Variants in PTPRM observed in about 807,000 individuals in gnomAD.
PTPRM encodes the protein receptor-type tyrosine-protein phosphatase mu.
In PTPRM, 47 loss-of-function variants were observed where a neutral mutation model predicts 186.7. The ratio of observed to expected loss-of-function variants is 0.25; its 90% CI spans 0.20 to 0.32. PTPRM has a LOEUF of 0.32. PTPRM is among the 10% of genes least tolerant of loss of function. The probability of loss-of-function intolerance (pLI) is 1.00; values close to 1 mark genes in which losing one functional copy is unlikely to be tolerated. For synonymous variants in PTPRM, 668 were observed against 674.9 expected, an observed-to-expected ratio of 0.99 and a Z score of 0.16; for missense variants, 1,494 against 1,865.0, an observed-to-expected ratio of 0.80 and a Z score of 3.66.
intron 19 of PTPRM, among the ~76,000 whole-genome samples, chr18:8,290,211 T>G (rs1295121751): frequency 2.0e-5 from 3 of 152,226 alleles, no homozygotes; most frequent in Non-Finnish European, 4.4e-5. Flanking sequence ...TCATCTTCCT[T>G]CTTTCAGGGT....
Position 8,126,027 on chromosome 18 carries a change from A to ATATATATTTTTTT in PTPRM, c.2167+11201_2167+11202insATATATTTTTTTT, listed in dbSNP as rs57751538. On this transcript the variant is annotated intron_variant, in intron 13 of 32. Transcript: ENST00000580170. ...TATATATATATATATATATATATAT[A>ATATATATTTTTTT]TTTTAAATCAGTAGACCTTTCCATT... Among the ~76,000 whole-genome samples the ATATATATTTTTTT allele has an allele frequency of 1.7e-3, 119 of 69,424 alleles. 1 individual carries two copies. Among genetic ancestry groups the ATATATATTTTTTT allele is most frequent in the Non-Finnish European group, 2.4e-3 (85 of 35,236 alleles). The allele number at this position is 69,424 out of a possible 152,430, so 45.5% of individuals were successfully genotyped here.
chr18:7,742,714 G>A (rs1211449844), intron 1 of PTPRM, among the ~76,000 whole-genome samples: 1 of 152,032 alleles, frequency 6.6e-6, no homozygotes, highest in Non-Finnish European at 1.5e-5. Context: ...AACTCCTTTG[G>A]TTTGAAGGAG....
chr18:7,877,999 A>C (rs2048328190), intron 2 of PTPRM, among the ~76,000 whole-genome samples: 1 of 152,106 alleles, frequency 6.6e-6, no homozygotes, highest in Non-Finnish European at 1.5e-5. Context: ...TTCTTTCCTG[A>C]ACCCTTGCAG....
At chr18:7,967,393 GA>G (rs1368749303) in intron 7 of PTPRM, among the ~76,000 whole-genome samples, 18 of 10,368 alleles carry the variant, frequency 1.7e-3, no homozygotes, top group African/African-American at 6.4e-3. Context: ...CTAAAACGCA[GA>G]GCGCCTCTCC....
chr18:8,370,545 C>G (rs1291701237), intron 23 of PTPRM, among the ~76,000 whole-genome samples: 1 of 152,164 alleles, frequency 6.6e-6, no homozygotes, highest in Non-Finnish European at 1.5e-5. Flanking sequence ...AAAAGAAGAG[C>G]TAAAATATTG....
chr18:7,878,262 A>C (rs2048338644), intron 2 of PTPRM, among the ~76,000 whole-genome samples: 1 of 152,236 alleles, frequency 6.6e-6, no homozygotes, highest in Admixed American at 6.5e-5. Context: ...AGATTACTTA[A>C]ATTCCAGACT....
chr18:8,080,154 C>T (rs2090049107), intron 9 of PTPRM, among the ~76,000 whole-genome samples: 1 of 110,314 alleles, frequency 9.1e-6, no homozygotes, highest in Non-Finnish European at 2.0e-5. Flanking sequence ...TGGGAACACA[C>T]ATTTTGCAGT....
intron 22 of PTPRM, among the ~76,000 whole-genome samples, chr18:8,336,834 G>A: frequency 6.6e-6 from 1 of 151,930 alleles, no homozygotes; most frequent in South Asian, 2.1e-4. Context: ...AAAATTAGCT[G>A]GGTGTGGTGG....
chr18:7,886,513 G>A (rs994938051), intron 2 of PTPRM, among the ~76,000 whole-genome samples: 6 of 152,104 alleles, frequency 3.9e-5, no homozygotes, highest in African/African-American at 1.2e-4. Flanking sequence ...AAATTGCTCT[G>A]TTTTAAAATA....
At chr18:8,001,780 A>G (rs1352581064) in intron 7 of PTPRM, among the ~76,000 whole-genome samples, 2 of 152,192 alleles carry the variant, frequency 1.3e-5, no homozygotes, top group Non-Finnish European at 2.9e-5. Context: ...GTGAGATTGA[A>G]TAACATCAGG....
intron 14 of PTPRM, among the ~76,000 whole-genome samples, chr18:8,220,897 A>T (rs987486209): frequency 6.6e-6 from 1 of 152,192 alleles, no homozygotes; most frequent in Non-Finnish European, 1.5e-5. Flanking sequence ...CTTTATAATC[A>T]TTCATGAGAT....
chr18:7,959,578 A>T (rs73381875), intron 7 of PTPRM, among the ~76,000 whole-genome samples: 4,457 of 152,308 alleles, frequency 0.029, 144 homozygotes, highest in African/African-American at 0.076. Context: ...TTGTATTGTA[A>T]CACACTTCCA....
intron 2 of PTPRM, among the ~76,000 whole-genome samples, chr18:7,879,951 T>C (rs1419782444): frequency 6.6e-6 from 1 of 152,168 alleles, no homozygotes; most frequent in Non-Finnish European, 1.5e-5. Context: ...TGGGAAGGAC[T>C]CAGGAAACTT....
chr18:7,736,632 G>A (rs1030454322), intron 1 of PTPRM, among the ~76,000 whole-genome samples: 2 of 152,210 alleles, frequency 1.3e-5, no homozygotes, highest in Admixed American at 1.3e-4. Flanking sequence ...AAAGGGTCGT[G>A]ATTGATTTGA....
intron 4 of PTPRM, among the ~76,000 whole-genome samples, chr18:7,912,549 T>C (rs1019477758): frequency 6.6e-6 from 1 of 152,180 alleles, no homozygotes; most frequent in Non-Finnish European, 1.5e-5. Flanking sequence ...TCTCACTCTG[T>C]TGCCCAGGCT....
chr18:8,253,318 T>C lies in PTPRM; in HGVS notation c.2658T>C (p.Thr886=). The part of the protein sequence containing the change: ...KREPADVPYQ[T]GQLHPAIRVA... ...AGCCGGCCGACGTGCCCTATCAGAC[T>C]GGGCAGCTCCACCCCGCCATCCGGG... Residue 886 remains threonine, a synonymous_variant, in exon 19 of 33, where the codon ACT becomes ACC. Transcript: ENST00000580170. 1.3e-6 allele frequency: 2 copies of C among 1,598,708 alleles called. No individual in the cohort carries two copies. The highest frequency in any genetic ancestry group is 1.7e-6 in the Non-Finnish European group (2 of 1,172,772).
intron 23 of PTPRM, among the ~76,000 whole-genome samples, chr18:8,347,304 A>C (rs1568799233): frequency 6.6e-6 from 1 of 152,180 alleles, no homozygotes; most frequent in Non-Finnish European, 1.5e-5. Context: ...TTTTTTGCTT[A>C]ATTGGAATTC....
chr18:7,597,884 A>G (rs2143706097), intron 1 of PTPRM, among the ~76,000 whole-genome samples: 1 of 152,336 alleles, frequency 6.6e-6, no homozygotes, highest in East Asian at 1.9e-4. Flanking sequence ...TTACTCCCTA[A>G]AACTATCCAG....
At chr18:8,305,609 G>A (rs1355803503) in intron 20 of PTPRM, among the ~76,000 whole-genome samples, 1 of 152,196 alleles carries the variant, frequency 6.6e-6, no homozygotes, top group East Asian at 1.9e-4. Flanking sequence ...GGGAGCCCGG[G>A]ATCCTAACCT....
Sources: gnomAD v4.1 joint callset for allele counts (sites outside exome capture counted in the v4.1 genomes callset) on GRCh38, gnomAD v4.1.1 for gene constraint, MANE v1.5 for transcripts, NCBI Gene and HGNC (gene_info 2026-07-23, HGNC 2026-07-21) for gene names.